EFCAB3: variants seen among roughly 807,000 people sequenced by gnomAD.
EFCAB3 encodes the protein EF-hand calcium binding domain 3, also known as EF-hand calcium-binding domain-containing protein 3.
A neutral mutation model predicts 42.2 loss-of-function variants in EFCAB3; 36 were observed. The observed-to-expected ratio is 0.85, with a 90% CI of 0.65 to 1.13. The LOEUF is 1.13. EFCAB3 is among the 50% of genes most tolerant of loss of function. The pLI, the probability that EFCAB3 is intolerant of heterozygous loss-of-function variation, is 0.00. For synonymous variants in EFCAB3, 170 were observed against 172.8 expected (o/e 0.98, Z 0.13); for missense variants, 418 against 505.1 (o/e 0.83, Z 1.65).
chr17:62,375,867 T>G (rs1236236594), upstream of EFCAB3, among the ~76,000 whole-genome samples: 1 of 152,178 alleles, frequency 6.6e-6, no homozygotes, highest in Non-Finnish European at 1.5e-5. Context: ...TATTATCTTC[T>G]CCATATCTCT....
intron 4 of EFCAB3, 22 bp downstream of exon 4, chr17:62,391,987 T>C: frequency 6.4e-7 from 1 of 1,573,746 alleles, no homozygotes; most frequent in South Asian, 1.2e-5. Context: ...GGCTTCTCAT[T>C]GTTTTTCTCA....
intron 6 of EFCAB3, among the ~76,000 whole-genome samples, chr17:62,399,049 A>G (rs1411919875): frequency 6.6e-6 from 1 of 151,924 alleles, no homozygotes; most frequent in African/African-American, 2.4e-5. Flanking sequence ...TGAACAGCCT[A>G]CTCACAACAC....
chr17:62,381,129 C>T (rs2144055888), intron 1 of EFCAB3, among the ~76,000 whole-genome samples: 1 of 150,054 alleles, frequency 6.7e-6, no homozygotes, highest in Non-Finnish European at 1.5e-5. Context: ...GGTATATCTC[C>T]TAATGCTATC....
chr17:62,378,272 G>A (rs1223095093), upstream of EFCAB3, among the ~76,000 whole-genome samples: 1 of 152,146 alleles, frequency 6.6e-6, no homozygotes, highest in Non-Finnish European at 1.5e-5. Flanking sequence ...CTCCATTTAT[G>A]ATTTTTTTAA....
At chr17:62,376,765 A>C (rs926039494), upstream of EFCAB3, among the ~76,000 whole-genome samples, 1 of 152,224 alleles carries the variant, frequency 6.6e-6, no homozygotes. Flanking sequence ...GCTAAAATTT[A>C]TGTTATTTGA....
chr17:62,398,498 CAAA>C (rs11333238), intron 6 of EFCAB3, among the ~76,000 whole-genome samples: 3,593 of 126,262 alleles, frequency 0.028, 58 homozygotes, highest in Non-Finnish European at 0.04. Flanking sequence ...TTTTTATATG[CAAA>C]AAAAAAAAAA....
chr17:62,406,846 C>T (rs2070452255), intron 7 of EFCAB3, among the ~76,000 whole-genome samples, 173 bp downstream of exon 7: 1 of 134,818 alleles, frequency 7.4e-6, no homozygotes, highest in Admixed American at 8.9e-5. Flanking sequence ...TAACTGAATC[C>T]TCAGACACCT....
intron 2 of EFCAB3, among the ~76,000 whole-genome samples, chr17:62,384,794 C>T (rs2070234434): frequency 6.6e-6 from 1 of 152,164 alleles, no homozygotes; most frequent in Non-Finnish European, 1.5e-5. Context: ...TTTGACTTTA[C>T]AGTGGTACAA....
chr17:62,388,495 T>G (rs1191191141), intron 3 of EFCAB3, among the ~76,000 whole-genome samples: 1 of 152,216 alleles, frequency 6.6e-6, no homozygotes, highest in Admixed American at 6.5e-5. Context: ...CAAGTGTGGC[T>G]GTGTTTGGGT....
chr17:62,409,787 C>T (rs1299300306), intron 8 of EFCAB3, among the ~76,000 whole-genome samples: 2 of 151,652 alleles, frequency 1.3e-5, no homozygotes, highest in East Asian at 3.9e-4. Flanking sequence ...TGTATATGTA[C>T]TATATTTACA....
rs1462927110 is a variant in EFCAB3, at chr17:62,395,158, T to C, written c.458T>C (p.Leu153Pro). ...ILSRLLETSA[L>P]PRKSIIEIVS... ...TCAAGGCTTCTAGAGACTTCAGCCC[T>C]ACCCAGAAAGTCTATAATAGAAATA... is the stretch of plus-strand genomic sequence containing the variant. Residue 153 changes from leucine to proline, a missense_variant, in exon 6 of 10, where the codon CTA (leucine) becomes CCA (proline). Physicochemically the swap from Leu to Pro is moderately conservative, Grantham distance 98. Transcript: ENST00000305286. 2 of 1,613,734 alleles carry C rather than the reference T, an allele frequency of 1.2e-6. No individual in the cohort carries two copies. The highest frequency in any genetic ancestry group is 1.3e-5 in the African/African-American group (1 of 74,912).
At chr17:62,371,115 G>A (rs77670155) in intron 1 of EFCAB3, among the ~76,000 whole-genome samples, 25 of 147,012 alleles carry the variant, frequency 1.7e-4, no homozygotes, top group African/African-American at 6.3e-4. Flanking sequence ...AAAAAAAAAA[G>A]AGCAGATTTT....
intron 8 of EFCAB3, among the ~76,000 whole-genome samples, chr17:62,413,260 G>C (rs756399597): frequency 6.6e-6 from 1 of 152,044 alleles, no homozygotes; most frequent in African/African-American, 2.4e-5. Flanking sequence ...ATAAAAATGG[G>C]CAAAGGGTAT....
chr17:62,397,039 A>G (rs1467087918), intron 6 of EFCAB3, among the ~76,000 whole-genome samples: 1 of 152,172 alleles, frequency 6.6e-6, no homozygotes, highest in Non-Finnish European at 1.5e-5. Flanking sequence ...AGGGAATGGT[A>G]CCTATATTTT....
At chr17:62,390,981 C>G (rs1178432087) in intron 3 of EFCAB3, among the ~76,000 whole-genome samples, 1 of 152,190 alleles carries the variant, frequency 6.6e-6, no homozygotes, top group Non-Finnish European at 1.5e-5. Flanking sequence ...TTGGATTATA[C>G]AAAACATACA....
At chr17:62,412,463 G>T (rs1296496664) in intron 8 of EFCAB3, among the ~76,000 whole-genome samples, 1 of 150,694 alleles carries the variant, frequency 6.6e-6, no homozygotes, top group Non-Finnish European at 1.5e-5. Context: ...TTCCCCAAGG[G>T]TTTTTTGTTG....
intron 6 of EFCAB3, among the ~76,000 whole-genome samples, chr17:62,400,944 T>C (rs2070396867): frequency 6.6e-6 from 1 of 152,168 alleles, no homozygotes; most frequent in Non-Finnish European, 1.5e-5. Context: ...TTTTAATGAC[T>C]TTAATGATTT....
intron 6 of EFCAB3, among the ~76,000 whole-genome samples, chr17:62,403,960 G>C (rs1440534003): frequency 6.6e-6 from 1 of 152,196 alleles, no homozygotes; most frequent in African/African-American, 2.4e-5. Flanking sequence ...CTCATCTCTT[G>C]TAACTTCCCC....
At chr17:62,372,290 G>A (rs72845544) in intron 1 of EFCAB3, among the ~76,000 whole-genome samples, 28,261 of 151,382 alleles carry the variant, frequency 0.19, 2,687 homozygotes, top group Middle Eastern at 0.21. Flanking sequence ...TTTGTTTTGG[G>A]GACAGGGTCT....
Sources: gnomAD v4.1 joint callset for allele counts (sites outside exome capture counted in the v4.1 genomes callset) on GRCh38, gnomAD v4.1.1 for gene constraint, MANE v1.5 for transcripts, NCBI Gene and HGNC (gene_info 2026-07-23, HGNC 2026-07-21) for gene names.